The following AMPH variants were observed in gnomAD, a reference collection of about 807,000 sequenced individuals.
AMPH encodes the protein amphiphysin (Stiff-Mann syndrome with breast cancer 128kD autoantigen).
In AMPH, 49 loss-of-function variants were observed where a neutral mutation model predicts 99.1. That is an observed-to-expected ratio of 0.49 (90% CI 0.39 to 0.63). The LOEUF (loss-of-function observed/expected upper bound fraction) is 0.63, where lower values mean the gene tolerates loss of function less well. AMPH is among the 20% of genes least tolerant of loss of function. The pLI, the probability that AMPH is intolerant of heterozygous loss-of-function variation, is 0.00. For missense variants in AMPH, 759 were observed against 863.4 expected (o/e 0.88, Z 1.52); for synonymous variants, 314 against 317.3 (o/e 0.99, Z 0.11).
At chr7:38,472,838 C>G (rs74692401) in intron 7 of AMPH, among the ~76,000 whole-genome samples, 127 of 152,268 alleles carry the variant, frequency 8.3e-4, no homozygotes, top group African/African-American at 3.0e-3. Context: ...AGGTTTCTTT[C>G]CAAAATTATC....
intron 1 of AMPH, among the ~76,000 whole-genome samples, chr7:38,567,633 C>T (rs117728825): frequency 0.019 from 2,946 of 152,324 alleles, 42 homozygotes; most frequent in Admixed American, 0.032. Context: ...TGTAAGAGTA[C>T]CTTTCTGCCC....
At chr7:38,466,638 A>AC (rs1207462571) in intron 7 of AMPH, among the ~76,000 whole-genome samples, 1 of 151,282 alleles carries the variant, frequency 6.6e-6, no homozygotes, top group Non-Finnish European at 1.5e-5. Context: ...CGCTTATGGA[A>AC]CCCCCGCCCT....
At position 38,567,361 on chromosome 7, in the gene AMPH, G is replaced by A. The variant is rs376739854; in HGVS notation, c.70-32350C>T. Among the ~76,000 whole-genome samples the A allele has an allele frequency of 9.9e-5, 15 of 152,184 alleles. No homozygotes were observed. The South Asian group carries it at 1.2e-3, about 13-fold the overall frequency. On this transcript the variant is annotated intron_variant, in intron 1 of 20. Transcript: ENST00000356264. ...CAATGAGAACACATGGACACAGGGC[G>A]GGAACATCACACAGCAGGGCCTGTC...
chr7:38,546,840 T>C (rs1791012230), intron 1 of AMPH, among the ~76,000 whole-genome samples: 1 of 152,130 alleles, frequency 6.6e-6, no homozygotes, highest in South Asian at 2.1e-4. Flanking sequence ...GGCAGACACT[T>C]CTATGCTGCA....
At chr7:38,412,456 G>A (rs1785242617) in intron 17 of AMPH, among the ~76,000 whole-genome samples, 1 of 152,164 alleles carries the variant, frequency 6.6e-6, no homozygotes, top group Non-Finnish European at 1.5e-5. Flanking sequence ...ACTCCAGAAG[G>A]CAGGGAAGAT....
intron 1 of AMPH, among the ~76,000 whole-genome samples, chr7:38,594,029 C>T (rs1792958658): frequency 6.6e-6 from 1 of 152,102 alleles, no homozygotes; most frequent in African/African-American, 2.4e-5. Flanking sequence ...GCCTGACAAG[C>T]TCTTGGCGTT....
chr7:38,487,813 A>C (rs1028847568), intron 5 of AMPH, among the ~76,000 whole-genome samples: 3 of 152,218 alleles, frequency 2.0e-5, no homozygotes, highest in African/African-American at 7.2e-5. Context: ...CAAAGAACTT[A>C]AACAAATTTA....
chr7:38,467,229 A>T (rs374211805), intron 7 of AMPH, among the ~76,000 whole-genome samples: 1 of 152,164 alleles, frequency 6.6e-6, no homozygotes, highest in Non-Finnish European at 1.5e-5. Flanking sequence ...CACGAAGCAC[A>T]ATATTTATTG....
chr7:38,522,089 G>C (rs1324029369), intron 2 of AMPH, among the ~76,000 whole-genome samples: 1 of 152,202 alleles, frequency 6.6e-6, no homozygotes, highest in Non-Finnish European at 1.5e-5. Flanking sequence ...GGAGAAAAAA[G>C]AGACCTCAAG....
At chr7:38,511,265 C>T (rs1408864028) in intron 2 of AMPH, among the ~76,000 whole-genome samples, 5 of 152,076 alleles carry the variant, frequency 3.3e-5, no homozygotes, top group South Asian at 2.1e-4. Flanking sequence ...CTTGATTGAC[C>T]GAAGTTCTGC....
chr7:38,627,392 A>AAAAAAAAAAAC (rs1323317022), intron 1 of AMPH, among the ~76,000 whole-genome samples: 3 of 149,724 alleles, frequency 2.0e-5, no homozygotes, highest in African/African-American at 7.4e-5. Context: ...AAATACAAAA[A>AAAAAAAAAAAC]AAAAAAAAAT....
At chr7:38,440,563 AAAT>A (rs147683331) in intron 11 of AMPH, among the ~76,000 whole-genome samples, 2,623 of 152,254 alleles carry the variant, frequency 0.017, 89 homozygotes, top group African/African-American at 0.06. Flanking sequence ...GCTTATACAA[AAAT>A]AATAACAAAA....
At chr7:38,613,562 G>A (rs560119768) in intron 1 of AMPH, among the ~76,000 whole-genome samples, 70 of 152,226 alleles carry the variant, frequency 4.6e-4, no homozygotes, top group African/African-American at 1.5e-3. Flanking sequence ...TGTTCTGAGC[G>A]GAGAGTATTT....
intron 17 of AMPH, among the ~76,000 whole-genome samples, chr7:38,401,170 T>C (rs1276488118): frequency 6.6e-6 from 1 of 152,216 alleles, no homozygotes. Context: ...ACTCTAACAC[T>C]GTGAGAAAGA....
In AMPH at chr7:38,461,368, G is replaced by A. The variant is rs374682461; in HGVS notation, c.932C>T (p.Pro311Leu). The A allele has an allele frequency of 8.1e-6, 13 of 1,614,008 alleles. No homozygotes were observed. Among genetic ancestry groups the A allele is most frequent in the Middle Eastern group, 1.6e-4 (1 of 6,074 alleles). Residue 311 changes from proline to leucine, a missense_variant, in exon 11 of 21, where the codon CCG (proline) becomes CTG (leucine). Transcript: ENST00000356264. ...PPVPPLPKVT[P>L]TKELQQENII... ...GTTCTCCTGCTGCAGTTCCTTTGTC[G>A]GGGTGACTTTAGGTAGAGGTGGGAC...
Position 38,461,385 on chromosome 7 carries a change from A to G in AMPH, c.915T>C (p.Pro305=), listed in dbSNP as rs141561580. ...CCTTTGTCGGGGTGACTTTAGGTAG[A>G]GGTGGGACAGGAGGCCCTTTCCTTG... ...SQTRKGPPVP[P]LPKVTPTKEL... is the part of the protein sequence containing the mutation. The change falls in exon 11 of 21, where the codon CCT becomes CCC. Residue 305 remains proline, a synonymous_variant. Transcript: ENST00000356264. 347 of 1,614,062 alleles carry G rather than the reference A, an allele frequency of 2.1e-4. No homozygotes were observed. The highest frequency in any genetic ancestry group is 2.8e-4 in the Non-Finnish European group (334 of 1,179,990).
chr7:38,448,063 T>C (rs1786859483), intron 11 of AMPH, among the ~76,000 whole-genome samples: 1 of 152,168 alleles, frequency 6.6e-6, no homozygotes, highest in African/African-American at 2.4e-5. Flanking sequence ...AGAAATACCT[T>C]TCATGTAAAA....
chr7:38,450,121 G>C lies in AMPH; in HGVS notation c.1017+11162C>G, dbSNP rs1786949783. Among the ~76,000 whole-genome samples, 3 of 152,326 alleles carry C rather than the reference G, an allele frequency of 2.0e-5. 1 individual carries two copies. The South Asian group carries it at 6.2e-4, about 32-fold the overall frequency. ...GAAAGGCTGTGCTCATGTCTGCATG[G>C]GAGCATGGTAGGCATTCCTATGGCG... On this transcript the variant is annotated intron_variant, in intron 11 of 20. Transcript: ENST00000356264.
At chr7:38,534,389 G>C (rs887379809) in intron 2 of AMPH, among the ~76,000 whole-genome samples, 9 of 152,264 alleles carry the variant, frequency 5.9e-5, no homozygotes, top group African/African-American at 2.2e-4. Flanking sequence ...ACAGTGGTCG[G>C]AGACCGGGCC....
Sources: gnomAD v4.1 joint callset for allele counts (sites outside exome capture counted in the v4.1 genomes callset) on GRCh38, gnomAD v4.1.1 for gene constraint, MANE v1.5 for transcripts, NCBI Gene and HGNC (gene_info 2026-07-23, HGNC 2026-07-21) for gene names.